Variants in KIAA0513 observed in about 807,000 individuals in gnomAD.
The protein encoded by KIAA0513 is KIAA0513.
In KIAA0513, 39 loss-of-function variants were observed where a neutral mutation model predicts 56.5. The observed-to-expected ratio is 0.69, with a 90% CI of 0.53 to 0.90. KIAA0513 has a LOEUF of 0.90. Among genes scored for constraint, KIAA0513 ranks in the 40% least tolerant of loss-of-function variants. The pLI is 0.00. For synonymous variants in KIAA0513, 268 were observed against 215.6 expected, an observed-to-expected ratio of 1.24 and a Z score of -2.13; for missense variants, 591 against 535.2, an observed-to-expected ratio of 1.10 and a Z score of -1.03.
At chr16:85,055,524 C>T (rs1254575218) in intron 1 of KIAA0513, among the ~76,000 whole-genome samples, 1 of 152,134 alleles carries the variant, frequency 6.6e-6, no homozygotes, top group Non-Finnish European at 1.5e-5. Flanking sequence ...AGGACAATCT[C>T]CCTGATCTCT....
intron 1 of KIAA0513, among the ~76,000 whole-genome samples, chr16:85,055,105 T>TG (rs1371181828): frequency 1.1e-4 from 16 of 152,050 alleles, no homozygotes; most frequent in African/African-American, 3.6e-4. Flanking sequence ...TTTATTTTTT[T>TG]TAGAGACAGA....
At chr16:85,038,795 G>A (rs1241588820) in intron 1 of KIAA0513, among the ~76,000 whole-genome samples, 1 of 150,788 alleles carries the variant, frequency 6.6e-6, no homozygotes, top group African/African-American at 2.5e-5. Flanking sequence ...ATTTCTACAT[G>A]TAATCTATAT....
chr16:85,088,429 C>A lies in KIAA0513; in HGVS notation c.*104C>A. The A allele has an allele frequency of 1.1e-6, 1 of 885,114 alleles. No homozygotes were observed. The highest frequency in any genetic ancestry group is 1.9e-5 in the Admixed American group (1 of 52,164). 54.8% of individuals were successfully genotyped at this position (885,114 alleles called of 1,614,324 possible). On this transcript the variant is annotated 3_prime_UTR_variant, in exon 13 of 13. Coordinates refer to ENST00000683363, the MANE Select transcript of KIAA0513 (RefSeq NM_001388359.1). Reference sequence around the variant, plus strand: ...CCGATGACCTGCATGAAGCCAGCAGCACCCAGAGCCACTCCTGCTGCCCTA... The same window carrying A: ...CCGATGACCTGCATGAAGCCAGCAGAACCCAGAGCCACTCCTGCTGCCCTA...
At chr16:85,034,118 C>T (rs1597586153) in intron 1 of KIAA0513, among the ~76,000 whole-genome samples, 1 of 152,192 alleles carries the variant, frequency 6.6e-6, no homozygotes, top group East Asian at 1.9e-4. Context: ...GTGGCTGATG[C>T]CTGTAATCCC....
intron 10 of KIAA0513, among the ~76,000 whole-genome samples, chr16:85,086,339 G>T (rs1366840949): frequency 6.6e-6 from 1 of 152,258 alleles, no homozygotes; most frequent in African/African-American, 2.4e-5. Flanking sequence ...CTCGCTGCCT[G>T]TAGAGTGCCT....
chr16:85,069,462 T>C (rs1458815861), intron 2 of KIAA0513, among the ~76,000 whole-genome samples: 7 of 152,068 alleles, frequency 4.6e-5, no homozygotes, highest in African/African-American at 1.7e-4. Context: ...ATAAGGAGTA[T>C]TGACAATTGG....
In KIAA0513 at chr16:85,029,695, G is replaced by A. The variant is rs192507227; in HGVS notation, c.-173+1837G>A. Among the ~76,000 whole-genome samples the A allele has an allele frequency of 2.6e-5, 4 of 152,322 alleles. No homozygotes were observed. The East Asian group carries it at 7.7e-4, about 29-fold the overall frequency. ...AATCAGGTTAAAAGAAACACGAACA[G>A]CAGCCTGGGGCAGTTTTTTAAAAAA... On this transcript the variant is annotated intron_variant, in intron 1 of 12. Coordinates refer to ENST00000683363, the MANE Select transcript of KIAA0513 (RefSeq NM_001388359.1).
intron 1 of KIAA0513, among the ~76,000 whole-genome samples, chr16:85,062,036 C>G (rs867511311): frequency 3.9e-5 from 6 of 152,184 alleles, no homozygotes; most frequent in Middle Eastern, 3.2e-3. Flanking sequence ...CTCTTTCCAT[C>G]TCAGCTCAGA....
intron 1 of KIAA0513, among the ~76,000 whole-genome samples, chr16:85,046,057 C>T (rs2073166697): frequency 6.6e-6 from 1 of 152,128 alleles, no homozygotes; most frequent in African/African-American, 2.4e-5. Flanking sequence ...AGGATGTTGC[C>T]CTTGATCTTG....
chr16:85,077,699 CG>C (rs55976029), intron 6 of KIAA0513, 67 bp downstream of exon 6: 319,243 of 1,182,296 alleles, frequency 0.27, 47,060 homozygotes, highest in Middle Eastern at 0.35. Flanking sequence ...GGAGCTCGGA[CG>C]GGGGCAGCAG....
intron 5 of KIAA0513, among the ~76,000 whole-genome samples, chr16:85,077,018 C>T (rs1282968256): frequency 1.3e-5 from 2 of 152,168 alleles, no homozygotes; most frequent in Non-Finnish European, 1.5e-5. Flanking sequence ...CAGACTCCTC[C>T]TCCAGGCCCC....
rs905842418 is a variant in KIAA0513 at position 85,089,818 on chromosome 16, AT to A, written c.*1495del. On this transcript the variant is annotated 3_prime_UTR_variant, in exon 13 of 13. Transcript: ENST00000683363. The surrounding 1 kb of genome is among the most constrained non-coding windows in gnomAD (Gnocchi z 4.2). ...CCCTGGAATGTTCCAGAGACGGAAC[AT>A]TCTCTAGAGACAACAGTCTGTGCTG... is the stretch of plus-strand genomic sequence containing the variant. The A allele has an allele frequency of 1.3e-5, 2 of 152,146 alleles. No homozygotes were observed. Among genetic ancestry groups the A allele is most frequent in the Non-Finnish European group, 2.9e-5 (2 of 68,040 alleles). The allele number at this position is 152,146 out of a possible 1,614,324, so 9.4% of individuals were successfully genotyped here. A position where few individuals can be genotyped will look rare whatever the true frequency, so the allele number is the denominator to read the frequency against.
At chr16:85,038,022 T>C (rs982427253) in intron 1 of KIAA0513, among the ~76,000 whole-genome samples, 2 of 152,206 alleles carry the variant, frequency 1.3e-5, no homozygotes, top group Non-Finnish European at 2.9e-5. Flanking sequence ...ATTCCCCAGG[T>C]GTAAACCCTC....
Position 85,092,185 on chromosome 16 carries a change from C to G in KIAA0513, c.*3860C>G, listed in dbSNP as rs898355715. 4 of 152,020 alleles carry G rather than the reference C, an allele frequency of 2.6e-5. No individual in the cohort carries two copies. The highest frequency in any genetic ancestry group is 2.4e-5 in the African/African-American group (1 of 41,350). The allele number at this position is 152,020 out of a possible 1,614,324, so 9.4% of individuals were successfully genotyped here. Reference sequence around the variant, plus strand: ...CTCGAACTCCTGACCTCAGGTGATCCCCCCCACCTCAGCCTCCCAAAGTGC... The same window carrying G: ...CTCGAACTCCTGACCTCAGGTGATCGCCCCCACCTCAGCCTCCCAAAGTGC... On this transcript the variant is annotated 3_prime_UTR_variant, in exon 13 of 13. Transcript: ENST00000683363.
rs997548515 is a variant in KIAA0513, at chr16:85,061,388, T to C, written c.-172-5512T>C. ...GGCCCCTGGTTCTCCAGCTGACCTG[T>C]GTGCGGGTTCCTTGCCCGGTCTCTT... On this transcript the variant is annotated intron_variant, in intron 1 of 12. Coordinates refer to ENST00000683363, the MANE Select transcript of KIAA0513 (RefSeq NM_001388359.1). Among the ~76,000 whole-genome samples the C allele has an allele frequency of 9.9e-5, 15 of 152,178 alleles. 1 individual carries two copies. Among genetic ancestry groups the C allele is most frequent in the Non-Finnish European group, 2.1e-4 (14 of 68,032 alleles).
At chr16:85,028,582 G>C (rs1288054148) in intron 1 of KIAA0513, among the ~76,000 whole-genome samples, 1 of 152,132 alleles carries the variant, frequency 6.6e-6, no homozygotes, top group Admixed American at 6.5e-5. Context: ...TCTTGCAAAG[G>C]ACAGAATTGA....
At position 85,069,207 on chromosome 16, in the gene KIAA0513, GT is replaced by G. The variant is rs548885026; in HGVS notation, c.329+1821del. Among the ~76,000 whole-genome samples the G allele has an allele frequency of 9.3e-3, 1,292 of 138,458 alleles. 7 individuals carry two copies. The highest frequency in any genetic ancestry group is 0.014 in the Non-Finnish European group (905 of 63,304). 90.8% of individuals were successfully genotyped at this position (138,458 alleles called of 152,430 possible). A position where few individuals can be genotyped will look rare whatever the true frequency, so the allele number is the denominator to read the frequency against. On this transcript the variant is annotated intron_variant, in intron 2 of 12. Coordinates refer to ENST00000683363, the MANE Select transcript of KIAA0513 (RefSeq NM_001388359.1). Reference sequence around the variant, plus strand: ...CACCATGCCCAGCTCATTTTTTTGTGTTTTTTTTTTTTTTCTTTTTGGAGGC... The same window carrying G: ...CACCATGCCCAGCTCATTTTTTTGTGTTTTTTTTTTTTTCTTTTTGGAGGC...
At chr16:85,056,886 G>C (rs1204305679) in intron 1 of KIAA0513, among the ~76,000 whole-genome samples, 1 of 152,038 alleles carries the variant, frequency 6.6e-6, no homozygotes, top group Non-Finnish European at 1.5e-5. Flanking sequence ...TAAATATTTT[G>C]TAGAGACAAG....
chr16:85,049,958 C>T (rs938544546), intron 1 of KIAA0513, among the ~76,000 whole-genome samples: 2 of 152,178 alleles, frequency 1.3e-5, no homozygotes, highest in Non-Finnish European at 2.9e-5. Context: ...AAGGCCAAGT[C>T]GGTCTCTGTC....
Sources: allele counts gnomAD v4.1 joint callset (sites outside exome capture counted in the v4.1 genomes callset), GRCh38; gene constraint gnomAD v4.1.1; non-coding constraint Gnocchi (gnomAD v3.1); transcripts MANE v1.5; gene names NCBI Gene and HGNC (gene_info 2026-07-23, HGNC 2026-07-21).